The following TLE1 variants were observed in gnomAD, a reference collection of about 807,000 sequenced individuals.
The protein encoded by TLE1 is TLE family member 1, transcriptional corepressor.
In TLE1, 21 loss-of-function variants were observed where a neutral mutation model predicts 89.8. That is an observed-to-expected ratio of 0.23 (90% CI 0.17 to 0.34). TLE1 has a LOEUF of 0.34. Among genes scored for constraint, TLE1 ranks in the 10% least tolerant of loss-of-function variants. TLE1 has a pLI of 1.00. For synonymous variants in TLE1, 447 were observed against 407.6 expected (o/e 1.10, Z -1.16); for missense variants, 795 against 1,031.2 (o/e 0.77, Z 3.14).
At chr9:81,620,001 A>G (rs1454055659) in intron 9 of TLE1, among the ~76,000 whole-genome samples, 2 of 152,218 alleles carry the variant, frequency 1.3e-5, no homozygotes, top group African/African-American at 2.4e-5. Flanking sequence ...TTGTGACACT[A>G]TAATTTTTAC....
intron 10 of TLE1, 89 bp from the exon 11 acceptor site, chr9:81,616,223 A>G: frequency 6.7e-7 from 1 of 1,487,644 alleles, no homozygotes; most frequent in South Asian, 1.3e-5. Flanking sequence ...ATTTAAGGAC[A>G]GAGCTGAAAG....
At chr9:81,670,041 C>T (rs1046879789) in intron 4 of TLE1, among the ~76,000 whole-genome samples, 6 of 152,124 alleles carry the variant, frequency 3.9e-5, no homozygotes, top group Non-Finnish European at 7.4e-5. Context: ...TGTTCCAACT[C>T]GTGTCTCCAT....
chr9:81,604,792 T>C (rs1430074045), intron 14 of TLE1, among the ~76,000 whole-genome samples: 1 of 152,074 alleles, frequency 6.6e-6, no homozygotes, highest in Non-Finnish European at 1.5e-5. Context: ...CCTCAAGCTC[T>C]CTCTCTGTGC....
chr9:81,596,979 C>T (rs1187269813), intron 14 of TLE1, among the ~76,000 whole-genome samples: 1 of 152,128 alleles, frequency 6.6e-6, no homozygotes, highest in Non-Finnish European at 1.5e-5. Context: ...GGGGAAGGCT[C>T]GTAACCAGTT....
rs540669376 is a variant in TLE1 at position 81,634,329 on chromosome 9, AAGGAGG to A, written c.373-34_373-29del. On this transcript the variant is annotated intron_variant, in intron 6 of 19. Coordinates refer to ENST00000376499, the MANE Select transcript of TLE1 (RefSeq NM_005077.5). ...GTTGGTGGTGGTGGTGAGAGAGAAA[AAGGAGG>A]AGGAGGAGGAGGTAGTGGTGACAGT... 17 of 1,457,492 alleles carry A rather than the reference AAGGAGG, an allele frequency of 1.2e-5. No homozygotes were observed. In the African/African-American group the frequency reaches 1.8e-4, roughly 16 times the overall value. The allele number at this position is 1,457,492 out of a possible 1,614,324, so 90.3% of individuals were successfully genotyped here.
chr9:81,654,014 T>C lies in TLE1; in HGVS notation c.257A>G (p.Asn86Ser). Reference sequence around the variant, plus strand: ...TGGGATGACTTGTGCACAAATCGTATTCAATCTCTTGGCGATTTCAGTCTA... The same window carrying C: ...TGGGATGACTTGTGCACAAATCGTACTCAATCTCTTGGCGATTTCAGTCTA... Reference protein sequence around the residue: ...HKQTEIAKRLNTICAQVIPFL... With the variant: ...HKQTEIAKRLSTICAQVIPFL... Residue 86 changes from asparagine (N) to serine (S), a missense_variant, in exon 5 of 20, where the codon AAT becomes AGT. Asn to Ser is a conservative substitution (Grantham distance 46, BLOSUM62 1). This residue lies in a region of TLE1 where 66 missense variants were observed against 118.7 expected (regional missense o/e 0.56). Coordinates refer to ENST00000376499, the MANE Select transcript of TLE1 (RefSeq NM_005077.5). 1 of 1,614,034 alleles carries C rather than the reference T, an allele frequency of 6.2e-7. No individual in the cohort carries two copies. The highest frequency in any genetic ancestry group is 8.5e-7 in the Non-Finnish European group (1 of 1,180,004).
intron 14 of TLE1, among the ~76,000 whole-genome samples, chr9:81,597,102 G>A (rs1830322658): frequency 6.6e-6 from 1 of 152,120 alleles, no homozygotes; most frequent in Non-Finnish European, 1.5e-5. Context: ...CAGCCAGCCT[G>A]CAGTCTAGAA....
chr9:81,606,166 G>A (rs1038931869), intron 14 of TLE1, among the ~76,000 whole-genome samples: 5 of 152,216 alleles, frequency 3.3e-5, no homozygotes, highest in African/African-American at 1.2e-4. Context: ...CTTTTACACT[G>A]TTGATGGGAC....
intron 14 of TLE1, among the ~76,000 whole-genome samples, chr9:81,595,768 G>A (rs971152571): frequency 2.0e-5 from 3 of 148,564 alleles, no homozygotes; most frequent in Non-Finnish European, 4.4e-5. Context: ...GTGGTGAGCC[G>A]AGATTGTGCC....
At chr9:81,680,794 G>A (rs1833518773) in intron 4 of TLE1, among the ~76,000 whole-genome samples, 1 of 152,050 alleles carries the variant, frequency 6.6e-6, no homozygotes, top group Non-Finnish European at 1.5e-5. Flanking sequence ...CTCTTTGTAT[G>A]ACAAGATTAT....
intron 4 of TLE1, among the ~76,000 whole-genome samples, chr9:81,679,080 G>A (rs1157138343): frequency 5.3e-5 from 8 of 152,084 alleles, no homozygotes; most frequent in South Asian, 2.1e-4. Context: ...CCCAGGAGGC[G>A]GAGGCTGCAG....
chr9:81,629,064 T>C (rs912227072), intron 8 of TLE1, among the ~76,000 whole-genome samples: 5 of 152,132 alleles, frequency 3.3e-5, no homozygotes, highest in African/African-American at 1.2e-4. Flanking sequence ...ATTCAACAAA[T>C]GTTTAACTGT....
chr9:81,615,789 G>A (rs1199390954), intron 11 of TLE1, among the ~76,000 whole-genome samples, 193 bp downstream of exon 11: 4 of 151,684 alleles, frequency 2.6e-5, no homozygotes, highest in Admixed American at 6.6e-5. Context: ...AATCATGGCC[G>A]AAAAGAGATG....
intron 16 of TLE1, among the ~76,000 whole-genome samples, chr9:81,589,389 C>A (rs890927805): frequency 3.9e-5 from 6 of 152,184 alleles, no homozygotes; most frequent in Non-Finnish European, 8.8e-5. Flanking sequence ...TGCTGGGTTA[C>A]AGTGGATACA....
intron 6 of TLE1, among the ~76,000 whole-genome samples, chr9:81,641,593 T>C (rs908256473): frequency 6.6e-6 from 1 of 152,110 alleles, no homozygotes; most frequent in Non-Finnish European, 1.5e-5. Flanking sequence ...AAAAAATAAG[T>C]ATCCTAATTT....
At chr9:81,639,238 A>G (rs988037650) in intron 6 of TLE1, among the ~76,000 whole-genome samples, 1 of 137,596 alleles carries the variant, frequency 7.3e-6, no homozygotes, top group Non-Finnish European at 1.6e-5. Context: ...AGCTTGGCTA[A>G]TTTTTTTTAC....
At chr9:81,663,065 CG>C (rs1357357692) in intron 4 of TLE1, among the ~76,000 whole-genome samples, 1 of 152,074 alleles carries the variant, frequency 6.6e-6, no homozygotes, top group Non-Finnish European at 1.5e-5. Context: ...AGGCTGGTCT[CG>C]AACTCCTTAC....
In TLE1 at chr9:81,688,858, A is replaced by C. The variant is rs907019542; in HGVS notation, c.-618T>G. The C allele has an allele frequency of 6.6e-6, 1 of 152,254 alleles. No individual in the cohort carries two copies. Among genetic ancestry groups the C allele is most frequent in the Non-Finnish European group, 1.5e-5 (1 of 68,096 alleles). 9.4% of individuals were successfully genotyped at this position (152,254 alleles called of 1,614,324 possible). Reference sequence around the variant, plus strand: ...GGGACGCAAAGGGGAGCGAGGTTGAAGACGCAGCGGAGGCTCCTGGCCGGG... The same window carrying C: ...GGGACGCAAAGGGGAGCGAGGTTGACGACGCAGCGGAGGCTCCTGGCCGGG... On this transcript the variant is annotated 5_prime_UTR_variant, in exon 1 of 20. Transcript: ENST00000376499.
chr9:81,679,320 T>C (rs1483588695), intron 4 of TLE1, among the ~76,000 whole-genome samples: 1 of 152,178 alleles, frequency 6.6e-6, no homozygotes, highest in South Asian at 2.1e-4. Flanking sequence ...TTTCTTTTTT[T>C]TTCCCCTGTG....
Sources: allele counts gnomAD v4.1 joint callset (sites outside exome capture counted in the v4.1 genomes callset), GRCh38; gene constraint gnomAD v4.1.1; regional missense constraint gnomAD v4.1.1; transcripts MANE v1.5; gene names NCBI Gene and HGNC (gene_info 2026-07-23, HGNC 2026-07-21).